Variants in EVC2 observed in about 807,000 individuals in gnomAD.
EVC2 encodes EvC ciliary complex subunit 2.
A neutral mutation model predicts 149.3 loss-of-function variants in EVC2; 148 were observed. The ratio of observed to expected loss-of-function variants is 0.99; its 90% confidence interval spans 0.87 to 1.14. EVC2 has a LOEUF of 1.14. Among genes scored for constraint, EVC2 ranks in the 50% most tolerant of loss-of-function variants. The pLI is 0.00. For missense variants in EVC2, 1,854 were observed against 1,627.3 expected, an observed-to-expected ratio of 1.14 and a Z score of -2.40; for synonymous variants, 776 against 649.9, an observed-to-expected ratio of 1.19 and a Z score of -2.95.
At position 5,686,127 on chromosome 4, in the gene EVC2, C is replaced by CACACACACACATAT. The variant is rs71171411; in HGVS notation, c.707-649_707-648insATATGTGTGTGTGT. 0.044 allele frequency among the ~76,000 whole-genome samples: 6,547 copies of CACACACACACATAT among 149,570 alleles called. 195 individuals are homozygous for CACACACACACATAT. Among genetic ancestry groups the CACACACACACATAT allele is most frequent in the Non-Finnish European group, 0.05 (3,389 of 67,618 alleles). ...ACACACACACACACACACACACACA[C>CACACACACACATAT]AGAGTAAAGAAAAGAGGAGGAACGC... On this transcript the variant is annotated intron_variant, in intron 5 of 21. Transcript: ENST00000344408. The surrounding 1 kb of genome is among the most constrained non-coding windows in gnomAD (Gnocchi z 5.4).
chr4:5,644,197 C>G (rs192021106), intron 9 of EVC2, among the ~76,000 whole-genome samples: 1 of 152,176 alleles, frequency 6.6e-6, no homozygotes, highest in Non-Finnish European at 1.5e-5. Flanking sequence ...CTCTGTATTT[C>G]CTGTAAACTA....
Position 5,673,043 on chromosome 4 carries a change from G to C in EVC2, c.871-7394C>G, listed in dbSNP as rs559846518. Among the ~76,000 whole-genome samples the C allele has an allele frequency of 4.6e-5, 7 of 152,300 alleles. No individual in the cohort carries two copies. The South Asian group carries it at 1.5e-3, about 32-fold the overall frequency. On this transcript the variant is annotated intron_variant, in intron 7 of 21. Transcript: ENST00000344408. The stretch of plus-strand genomic sequence containing the variant: ...GTACCAAGTTTCCTTTCGGAGTGGG[G>C]AAAATGTTCTGTAAGCAGACAGTGG...
At position 5,576,358 on chromosome 4, in the gene EVC2, C is replaced by A; in HGVS notation, c.3154G>T (p.Ala1052Ser). 6.2e-7 allele frequency: 1 copy of A among 1,614,212 alleles called. No individual in the cohort carries two copies. The highest frequency in any genetic ancestry group is 8.5e-7 in the Non-Finnish European group (1 of 1,180,044). Residue 1052 changes from alanine to serine, a missense_variant, in exon 18 of 22, where the codon GCC becomes TCC. Coordinates refer to ENST00000344408, the MANE Select transcript of EVC2 (RefSeq NM_147127.5). The surrounding 1 kb of genome is among the most constrained non-coding windows in gnomAD (Gnocchi z 4.5). ...TCGTTCAGAATCCCGGGCCCATCGGCCACCCACTGCTGCCAGCTCGCCAGG... is the reference window on the plus strand; with the variant it reads ...TCGTTCAGAATCCCGGGCCCATCGGACACCCACTGCTGCCAGCTCGCCAGG... ...QALASWQQWV[A>S]DGPGILNEPG... is the part of the protein sequence containing the mutation.
intron 16 of EVC2, among the ~76,000 whole-genome samples, chr4:5,593,326 G>A (rs529937571): frequency 2.0e-5 from 3 of 152,084 alleles, no homozygotes; most frequent in South Asian, 2.1e-4. Flanking sequence ...TCAAGTGTGC[G>A]TTACTTCCTT....
chr4:5,591,861 T>C (rs549918857), intron 16 of EVC2, among the ~76,000 whole-genome samples: 10 of 152,310 alleles, frequency 6.6e-5, no homozygotes, highest in African/African-American at 1.9e-4. Context: ...ACAAATTCAT[T>C]TGCAAAATGA....
At chr4:5,534,172 A>T in the EVC2 span, among the ~76,000 whole-genome samples, 1 of 152,196 alleles carries the variant, frequency 6.6e-6, no homozygotes, top group Admixed American at 6.5e-5. Context: ...CATGCCTGGC[A>T]CCTCAATTTT....
chr4:5,597,202 C>T (rs532464563), intron 16 of EVC2, among the ~76,000 whole-genome samples: 1 of 152,260 alleles, frequency 6.6e-6, no homozygotes, highest in African/African-American at 2.4e-5. Context: ...AGGGAATCCT[C>T]CCTAACTCAT....
At chr4:5,615,051 G>C (rs1715137837) in intron 16 of EVC2, among the ~76,000 whole-genome samples, 1 of 152,148 alleles carries the variant, frequency 6.6e-6, no homozygotes, top group South Asian at 2.1e-4. Flanking sequence ...GGAACATGGA[G>C]GAGAGTGTGA....
the EVC2 span, among the ~76,000 whole-genome samples, chr4:5,534,322 C>T: frequency 1.3e-5 from 2 of 152,280 alleles, no homozygotes; most frequent in East Asian, 1.9e-4. Context: ...GCAGTGCCCA[C>T]AGCAGATGCT....
intron 7 of EVC2, among the ~76,000 whole-genome samples, chr4:5,674,916 A>C (rs1292569190): frequency 6.6e-6 from 1 of 152,186 alleles, no homozygotes; most frequent in Admixed American, 6.5e-5. Flanking sequence ...GGCAATGGTC[A>C]GTGGGCTTCG....
chr4:5,540,639 T>C (rs189700190), downstream of EVC2, among the ~76,000 whole-genome samples: 14 of 152,296 alleles, frequency 9.2e-5, no homozygotes, highest in East Asian at 2.7e-3. Flanking sequence ...AGGTAAGCTG[T>C]TACCTGGGTG....
At chr4:5,697,340 C>T (rs1352678681) in intron 2 of EVC2, among the ~76,000 whole-genome samples, 1 of 152,220 alleles carries the variant, frequency 6.6e-6, no homozygotes, top group African/African-American at 2.4e-5. Context: ...CTGTTTCATT[C>T]ACCAAATGCC....
In EVC2 at chr4:5,677,404, G is replaced by C. The variant is rs1720062639; in HGVS notation, c.870+3856C>G. On this transcript the variant is annotated intron_variant, in intron 7 of 21. Coordinates refer to ENST00000344408, the MANE Select transcript of EVC2 (RefSeq NM_147127.5). This position sits in a 1 kb window ranked among gnomAD's most constrained non-coding sequence, Gnocchi z 4.3. ...CTTCCCACTCAACAGGGAGCTCCCT[G>C]AATGTGGTCCACAGCCTGGGGGCGC... Among the ~76,000 whole-genome samples, 1 of 152,208 alleles carries C rather than the reference G, an allele frequency of 6.6e-6. No individual in the cohort carries two copies. Among genetic ancestry groups the C allele is most frequent in the Non-Finnish European group, 1.5e-5 (1 of 68,036 alleles).
chr4:5,533,672 A>G, the EVC2 span, among the ~76,000 whole-genome samples: 1 of 152,188 alleles, frequency 6.6e-6, no homozygotes, highest in Non-Finnish European at 1.5e-5. Flanking sequence ...TGCACTACCC[A>G]TGTATCTGCC....
intron 21 of EVC2, among the ~76,000 whole-genome samples, chr4:5,544,268 A>G (rs1189511771): frequency 6.6e-6 from 1 of 151,978 alleles, no homozygotes; most frequent in Admixed American, 6.5e-5. Context: ...AAAAAGAGAG[A>G]AAATTCTGTT....
rs935114194 is a variant in EVC2, at chr4:5,637,740, C to T, written c.1470+2774G>A. On this transcript the variant is annotated intron_variant, in intron 10 of 21. Transcript: ENST00000344408. This position sits in a 1 kb window ranked among gnomAD's most constrained non-coding sequence, Gnocchi z 4.4. ...CCCTGTATCTCCAGGGTTAGGTATACAATAGAAACTCAACAATGGGCAGAA... is the reference window on the plus strand; with the variant it reads ...CCCTGTATCTCCAGGGTTAGGTATATAATAGAAACTCAACAATGGGCAGAA... Among the ~76,000 whole-genome samples the T allele has an allele frequency of 1.3e-5, 2 of 151,562 alleles. No individual in the cohort carries two copies. The highest frequency in any genetic ancestry group is 2.9e-5 in the Non-Finnish European group (2 of 67,958).
In EVC2 at chr4:5,544,261, A is replaced by G. The variant is rs10020231; in HGVS notation, c.3420-1049T>C. Among the ~76,000 whole-genome samples the G allele has an allele frequency of 3.6e-3, 552 of 152,288 alleles. 4 individuals carry two copies. Among genetic ancestry groups the G allele is most frequent in the African/African-American group, 0.011 (472 of 41,540 alleles). ...TGAAGTTGTTATGGAAAAAAAAAAA[A>G]AGAGAGAAAATTCTGTTTTCACAAC... On this transcript the variant is annotated intron_variant and NMD_transcript_variant, in intron 21 of 22. Transcript: ENST00000475313.
At chr4:5,697,564 G>C in intron 2 of EVC2, 29 bp downstream of exon 2, 8 of 1,613,134 alleles carry the variant, frequency 5.0e-6, no homozygotes, top group Non-Finnish European at 6.8e-6. Context: ...GCTCAAAACA[G>C]GGGAACATCA....
At chr4:5,630,162 G>C (rs1055499630) in intron 11 of EVC2, among the ~76,000 whole-genome samples, 1 of 152,178 alleles carries the variant, frequency 6.6e-6, no homozygotes, top group Non-Finnish European at 1.5e-5. Context: ...ATTAAATGGA[G>C]GGGGGAGCTC....
Sources: gnomAD v4.1 joint callset for allele counts (sites outside exome capture counted in the v4.1 genomes callset) on GRCh38, gnomAD v4.1.1 for gene constraint, Gnocchi (gnomAD v3.1) non-coding constraint, MANE v1.5 for transcripts, NCBI Gene and HGNC (gene_info 2026-07-23, HGNC 2026-07-21) for gene names.